ZNF783: variants seen among roughly 807,000 people sequenced by gnomAD.
The protein encoded by ZNF783 is protein ZNF783.
ZNF783 carries 25 observed loss-of-function variants against 31.3 expected under a neutral mutation model. That is an observed-to-expected ratio of 0.80 (90% CI 0.58 to 1.11). ZNF783 has a LOEUF of 1.11. Among genes scored for constraint, ZNF783 ranks in the 50% most tolerant of loss-of-function variants. The probability of loss-of-function intolerance (pLI) is 0.00; values close to 1 mark genes in which losing one functional copy is unlikely to be tolerated. For synonymous variants in ZNF783, 369 were observed against 319.1 expected (o/e 1.16, Z -1.66); for missense variants, 797 against 760.0 (o/e 1.05, Z -0.57).
At position 149,266,816 on chromosome 7, in the gene ZNF783, C is replaced by T. The variant is rs117084941; in HGVS notation, c.421-3C>T. On this transcript the variant is annotated splice_region_variant and splice_polypyrimidine_tract_variant and intron_variant, in intron 2 of 5. Transcript: ENST00000434415. ...TGAGTGAGTGCGACACTTATGGTTCCAGGTGCCCGTGACCTTCGATGATGT... is the reference window on the plus strand; with the variant it reads ...TGAGTGAGTGCGACACTTATGGTTCTAGGTGCCCGTGACCTTCGATGATGT... The T allele has an allele frequency of 6.0e-4, 965 of 1,614,006 alleles. 13 individuals carry two copies. The East Asian group carries it at 0.019, about 32-fold the overall frequency.
Position 149,282,247 on chromosome 7 carries a change from C to A in ZNF783, c.1545C>A (p.Thr515=). 1 of 1,596,994 alleles carries A rather than the reference C, an allele frequency of 6.3e-7. No individual in the cohort carries two copies. Among genetic ancestry groups the A allele is most frequent in the Non-Finnish European group, 8.5e-7 (1 of 1,179,220 alleles). Residue 515 remains threonine (T), a synonymous_variant, in exon 6 of 6, where the codon ACC becomes ACA. Transcript: ENST00000434415. ...ACCACCTGGCCGTGCACATGCAGAC[C>A]CACGCCCGAGGCCAGGTGGGCCCAC... ...RNHHLAVHMQ[T]HARGQVGPHF...
At chr7:149,266,296 A>C (rs779602882) in intron 1 of ZNF783, 39 bp from the exon 2 acceptor site, 2 of 1,486,250 alleles carry the variant, frequency 1.3e-6, no homozygotes, top group Non-Finnish European at 1.8e-6. Context: ...TTGATTGTAT[A>C]ATTCTCATAA....
chr7:149,284,516 G>A lies in ZNF783; in HGVS notation c.*2173G>A, dbSNP rs1797557267. 6.6e-6 allele frequency: 1 copy of A among 152,432 alleles called. No homozygotes were observed. The highest frequency in any genetic ancestry group is 3.4e-3 in the Middle Eastern group (1 of 294). The allele number at this position is 152,432 out of a possible 1,614,324, so 9.4% of individuals were successfully genotyped here. A position where few individuals can be genotyped will look rare whatever the true frequency, so the allele number is the denominator to read the frequency against. On this transcript the variant is annotated 3_prime_UTR_variant, in exon 6 of 6. Transcript: ENST00000434415. ...GAGACGGGCTGTCAGCAAGAGCTCA[G>A]ACAGGATGTGGTGCAAGTGCAGGTG...
At chr7:149,280,483 C>G (rs1797440282) in intron 5 of ZNF783, among the ~76,000 whole-genome samples, 2 of 152,146 alleles carry the variant, frequency 1.3e-5, no homozygotes, top group African/African-American at 4.8e-5. Flanking sequence ...CTCTCCCTCC[C>G]TCTCCAGCTT....
intron 1 of ZNF783, among the ~76,000 whole-genome samples, chr7:149,263,265 CGTGTGTGTGTGTGTGTGTGTGTGTGT>C (rs56067256): frequency 1.6e-5 from 2 of 121,444 alleles, no homozygotes; most frequent in South Asian, 2.8e-4. Flanking sequence ...TATATATATA[CGTGTGTGTGTGTGTGTGTGTGTGTGT>C]GTGTGTGTGT....
intron 1 of ZNF783, among the ~76,000 whole-genome samples, chr7:149,262,797 G>C (rs2129524643): frequency 6.6e-6 from 1 of 152,396 alleles, no homozygotes; most frequent in Middle Eastern, 3.4e-3. Context: ...GGAGCCTCAC[G>C]CCGGGGCAGG....
intron 4 of ZNF783, among the ~76,000 whole-genome samples, chr7:149,270,096 G>A (rs2129524886): frequency 6.6e-6 from 1 of 152,270 alleles, no homozygotes; most frequent in East Asian, 1.9e-4. Context: ...TTGGTTCCAA[G>A]TGTTTGCTAT....
rs1032419346 is a variant in ZNF783 at position 149,280,203 on chromosome 7, A to G, written c.803-1302A>G. ...GGCTGGCCGGGCAGAGGAGCTCCTC[A>G]CTTCCCAGTAGGGGTGGCCGGGCAG... On this transcript the variant is annotated intron_variant, in intron 5 of 5. Coordinates refer to ENST00000434415, the MANE Select transcript of ZNF783 (RefSeq NM_001195220.2). Among the ~76,000 whole-genome samples, 5 of 151,750 alleles carry G rather than the reference A, an allele frequency of 3.3e-5. No homozygotes were observed. The East Asian group carries it at 9.8e-4, about 30-fold the overall frequency.
At chr7:149,276,760 C>T (rs897319028) in intron 4 of ZNF783, 1 of 365,350 alleles carries the variant, frequency 2.7e-6, no homozygotes, top group Non-Finnish European at 3.8e-6. Flanking sequence ...CAGCCTCATA[C>T]TCCTGGGCTC....
chr7:149,274,170 A>G (rs889459620), intron 4 of ZNF783, among the ~76,000 whole-genome samples: 2 of 152,080 alleles, frequency 1.3e-5, no homozygotes, highest in African/African-American at 4.8e-5. Context: ...GAGTTTCCCC[A>G]ATGTTTTCTT....
chr7:149,282,956 G>C lies in ZNF783; in HGVS notation c.*613G>C, dbSNP rs796673367. On this transcript the variant is annotated 3_prime_UTR_variant, in exon 6 of 6. Transcript: ENST00000434415. ...ACGTCCACCAGCCTGTGGGTCTTTT[G>C]GTTTTTTTTTTGTTGTTGTTGTTGT... The C allele has an allele frequency of 9.4e-6, 1 of 106,130 alleles. No homozygotes were observed. Among genetic ancestry groups the C allele is most frequent in the African/African-American group, 3.8e-5 (1 of 26,180 alleles). The allele number at this position is 106,130 out of a possible 1,614,324, so 6.6% of individuals were successfully genotyped here.
In ZNF783 at chr7:149,282,510, T is replaced by A; in HGVS notation, c.*167T>A. 1.6e-6 allele frequency: 1 copy of A among 623,774 alleles called. No individual in the cohort carries two copies. The highest frequency in any genetic ancestry group is 2.7e-6 in the Non-Finnish European group (1 of 376,024). The allele number at this position is 623,774 out of a possible 1,614,324, so 38.6% of individuals were successfully genotyped here. A position where few individuals can be genotyped will look rare whatever the true frequency, so the allele number is the denominator to read the frequency against. On this transcript the variant is annotated 3_prime_UTR_variant, in exon 6 of 6. Transcript: ENST00000434415. ...GTGTGACCGGGTGCTTTCTGTTTCCTGTTTGCACTCTTCGCTGCCTTTTCT... is the reference window on the plus strand; with the variant it reads ...GTGTGACCGGGTGCTTTCTGTTTCCAGTTTGCACTCTTCGCTGCCTTTTCT...
intron 4 of ZNF783, chr7:149,276,293 C>T (rs1797327510): frequency 1.1e-5 from 11 of 963,508 alleles, no homozygotes; most frequent in Middle Eastern, 5.2e-4. Context: ...GCTCAGTCAC[C>T]ACCTTGTGAT....
rs12531632 is a variant in ZNF783, at chr7:149,282,957, G to C, written c.*614G>C. 1 of 134,350 alleles carries C rather than the reference G, an allele frequency of 7.4e-6. No individual in the cohort carries two copies. The highest frequency in any genetic ancestry group is 1.6e-5 in the Non-Finnish European group (1 of 62,528). 8.3% of individuals were successfully genotyped at this position (134,350 alleles called of 1,614,324 possible). On this transcript the variant is annotated 3_prime_UTR_variant, in exon 6 of 6. Coordinates refer to ENST00000434415, the MANE Select transcript of ZNF783 (RefSeq NM_001195220.2). ...CGTCCACCAGCCTGTGGGTCTTTTG[G>C]TTTTTTTTTTGTTGTTGTTGTTGTT...
chr7:149,266,293 T>C, intron 1 of ZNF783, 42 bp from the exon 2 acceptor site: 2 of 1,482,534 alleles, frequency 1.3e-6, no homozygotes, highest in African/African-American at 1.4e-5. Context: ...GTTTTGATTG[T>C]ATAATTCTCA....
intron 4 of ZNF783, among the ~76,000 whole-genome samples, chr7:149,271,452 C>T (rs534024513): frequency 1.3e-5 from 2 of 152,258 alleles, no homozygotes; most frequent in East Asian, 3.9e-4. Flanking sequence ...TTCTTTTTGT[C>T]CTCTGTATAC....
intron 1 of ZNF783, among the ~76,000 whole-genome samples, chr7:149,263,296 G>C (rs1320382236): frequency 1.4e-5 from 1 of 71,082 alleles, no homozygotes; most frequent in Non-Finnish European, 3.0e-5. Context: ...GTGTGTGTGT[G>C]TGTGTGTGTA....
chr7:149,280,173 G>A (rs375266140), intron 5 of ZNF783, among the ~76,000 whole-genome samples: 78 of 140,728 alleles, frequency 5.5e-4, no homozygotes, highest in African/African-American at 1.8e-3. Flanking sequence ...CCTCCCGGAC[G>A]GGGCGGCTGG....
At position 149,267,210 on chromosome 7, in the gene ZNF783, A is replaced by G. The variant is rs1797099374; in HGVS notation, c.661A>G (p.Met221Val). ...GNEVEVGRPR[M>V]MGTGLPPYPE... The stretch of plus-strand genomic sequence containing the variant: ...TGAAGTAGAGGTGGGACGTCCAAGG[A>G]TGATGGGCACTGGTAAGTATAGGAG... Residue 221 changes from methionine to valine, a missense_variant, in exon 4 of 6, where the codon ATG becomes GTG. Transcript: ENST00000434415. 4.4e-6 allele frequency: 7 copies of G among 1,595,690 alleles called. No individual in the cohort carries two copies. Among genetic ancestry groups the G allele is most frequent in the African/African-American group, 1.3e-5 (1 of 74,824 alleles).
Sources: gnomAD v4.1 joint callset for allele counts (sites outside exome capture counted in the v4.1 genomes callset) on GRCh38, gnomAD v4.1.1 for gene constraint, MANE v1.5 for transcripts, NCBI Gene and HGNC (gene_info 2026-07-23, HGNC 2026-07-21) for gene names.